The following PATJ variants were observed in gnomAD, a reference collection of about 807,000 sequenced individuals.
PATJ encodes inaD-like protein.
In PATJ, 190 loss-of-function variants were observed where a neutral mutation model predicts 224.9. That is an observed-to-expected ratio of 0.84 (90% CI 0.75 to 0.95). The LOEUF (loss-of-function observed/expected upper bound fraction) is 0.95, where lower values mean the gene tolerates loss of function less well. Among genes scored for constraint, PATJ ranks in the 40% least tolerant of loss-of-function variants. The pLI is 0.00. For synonymous variants in PATJ, 769 were observed against 820.3 expected (o/e 0.94, Z 1.07); for missense variants, 2,121 against 2,270.3 (o/e 0.93, Z 1.34).
chr1:61,832,663 A>G (rs1246922737), intron 16 of PATJ, among the ~76,000 whole-genome samples: 1 of 152,298 alleles, frequency 6.6e-6, no homozygotes, highest in East Asian at 1.9e-4. Context: ...TTGAGCTGAT[A>G]ACCATGGTAA....
Position 61,937,650 on chromosome 1 carries a change from C to CTTTT in PATJ, c.3670+9835_3670+9838dup, listed in dbSNP as rs370155855. Among the ~76,000 whole-genome samples the CTTTT allele has an allele frequency of 2.0e-4, 26 of 133,014 alleles. 1 individual carries two copies. Among genetic ancestry groups the CTTTT allele is most frequent in the East Asian group, 4.4e-4 (2 of 4,520 alleles). 87.3% of individuals were successfully genotyped at this position (133,014 alleles called of 152,430 possible). On this transcript the variant is annotated intron_variant, in intron 27 of 43. Transcript: ENST00000642238. ...GATAATGACGAGGGACTTTCTTCTT[C>CTTTT]TTTTTTTTTTTTTTTTTGAGACGGA...
intron 20 of PATJ, among the ~76,000 whole-genome samples, chr1:61,869,146 G>T (rs1005653730): frequency 1.6e-5 from 2 of 128,294 alleles, no homozygotes; most frequent in South Asian, 2.6e-4. Context: ...TCGCTCTGTC[G>T]CCCAGGCTGG....
At chr1:62,025,964 G>A (rs920658745) in intron 29 of PATJ, among the ~76,000 whole-genome samples, 7 of 152,090 alleles carry the variant, frequency 4.6e-5, no homozygotes, top group African/African-American at 1.7e-4. Context: ...CCTTTTCCTC[G>A]GCACAACTGG....
At chr1:61,896,703 G>C (rs950107485) in intron 22 of PATJ, among the ~76,000 whole-genome samples, 3 of 152,128 alleles carry the variant, frequency 2.0e-5, no homozygotes, top group Admixed American at 2.0e-4. Flanking sequence ...TCAGGTGAGG[G>C]ACCTGATGAG....
chr1:62,057,693 A>G (rs1030680446), intron 31 of PATJ, among the ~76,000 whole-genome samples: 2 of 152,250 alleles, frequency 1.3e-5, no homozygotes, highest in Non-Finnish European at 2.9e-5. Context: ...CAGTAAAATA[A>G]TTGACGTTTC....
At position 61,878,807 on chromosome 1, in the gene PATJ, G is replaced by A. The variant is rs184767776; in HGVS notation, c.2959+3441G>A. Reference sequence around the variant, plus strand: ...TATGGATTTTTTTTTTTTTTGAGACGGAGTCTCACTGTGTCACCCATGCTG... The same window carrying A: ...TATGGATTTTTTTTTTTTTTGAGACAGAGTCTCACTGTGTCACCCATGCTG... On this transcript the variant is annotated intron_variant, in intron 21 of 43. Coordinates refer to ENST00000642238, the MANE Select transcript of PATJ (RefSeq NM_001350145.3). 1.9e-4 allele frequency among the ~76,000 whole-genome samples: 28 copies of A among 148,622 alleles called. No homozygotes were observed. In the East Asian group the frequency reaches 3.9e-3, roughly 21 times the overall value.
chr1:61,869,111 T>C (rs1302648696), intron 20 of PATJ, among the ~76,000 whole-genome samples: 3 of 148,830 alleles, frequency 2.0e-5, no homozygotes, highest in Non-Finnish European at 4.5e-5. Context: ...TTTTTTTTTT[T>C]TTTTTTCTTT....
At chr1:61,820,371 T>G (rs569479985) in intron 14 of PATJ, among the ~76,000 whole-genome samples, 158 of 147,960 alleles carry the variant, frequency 1.1e-3, no homozygotes, top group Non-Finnish European at 1.9e-3. Flanking sequence ...AGACGGAGTT[T>G]CAGTCTTGTT....
intron 41 of PATJ, among the ~76,000 whole-genome samples, chr1:62,130,413 C>G (rs112101393): frequency 4.1e-4 from 63 of 152,088 alleles, no homozygotes; most frequent in Admixed American, 1.2e-3. Flanking sequence ...GCCTATAATC[C>G]CAACACTCTG....
chr1:62,067,123 C>CTTTTTTTTTTTTTTTTTTTT (rs11381578), intron 31 of PATJ, among the ~76,000 whole-genome samples: 12 of 116,474 alleles, frequency 1.0e-4, no homozygotes, highest in African/African-American at 1.3e-4. Flanking sequence ...CCTATTCTTT[C>CTTTTTTTTTTTTTTTTTTTT]TTTTTTTTTT....
At chr1:61,915,916 C>A (rs1016103795) in intron 26 of PATJ, among the ~76,000 whole-genome samples, 1 of 151,924 alleles carries the variant, frequency 6.6e-6, no homozygotes, top group African/African-American at 2.4e-5. Context: ...AGGATGGTCT[C>A]GATCTCTTGA....
At chr1:62,105,071 A>G (rs1270216533) in intron 33 of PATJ, among the ~76,000 whole-genome samples, 1 of 152,168 alleles carries the variant, frequency 6.6e-6, no homozygotes, top group African/African-American at 2.4e-5. Flanking sequence ...ATACAGAAAG[A>G]CTTACGGACT....
chr1:62,053,251 C>G (rs1653964946), intron 31 of PATJ, among the ~76,000 whole-genome samples: 1 of 152,198 alleles, frequency 6.6e-6, no homozygotes, highest in Non-Finnish European at 1.5e-5. Context: ...TGACTAGTGT[C>G]TGTCTTTTTC....
chr1:62,060,534 A>AT (rs942235479), intron 31 of PATJ, among the ~76,000 whole-genome samples: 2 of 151,588 alleles, frequency 1.3e-5, no homozygotes, highest in African/African-American at 2.4e-5. Flanking sequence ...TACTTGGCTA[A>AT]TTTTTTTGTA....
chr1:61,861,443 G>T, intron 18 of PATJ, 108 bp from the exon 19 acceptor site: 1 of 574,716 alleles, frequency 1.7e-6, no homozygotes, highest in Non-Finnish European at 3.1e-6. Context: ...CATCATCTAG[G>T]TTTTAAGCCC....
intron 11 of PATJ, 110 bp downstream of exon 11, chr1:61,797,538 G>A: frequency 3.5e-6 from 3 of 852,706 alleles, no homozygotes; most frequent in Non-Finnish European, 3.8e-6. Flanking sequence ...CCCACCTCGT[G>A]TAATACACTG....
intron 29 of PATJ, among the ~76,000 whole-genome samples, chr1:62,034,850 G>A (rs1650063870): frequency 6.6e-6 from 1 of 152,106 alleles, no homozygotes. Flanking sequence ...GGAATAACTT[G>A]GCCAATTTGA....
At chr1:62,141,874 G>A (rs919683489) in intron 41 of PATJ, among the ~76,000 whole-genome samples, 1 of 151,960 alleles carries the variant, frequency 6.6e-6, no homozygotes, top group African/African-American at 2.4e-5. Context: ...GGAGGCGGAG[G>A]CAAGAGAATT....
intron 22 of PATJ, among the ~76,000 whole-genome samples, chr1:61,890,113 A>G (rs1669393333): frequency 6.6e-6 from 1 of 152,196 alleles, no homozygotes; most frequent in South Asian, 2.1e-4. Flanking sequence ...TTATACCTGT[A>G]TGACCCTGAA....
Sources: allele counts gnomAD v4.1 joint callset (sites outside exome capture counted in the v4.1 genomes callset), GRCh38; gene constraint gnomAD v4.1.1; transcripts MANE v1.5; gene names NCBI Gene and HGNC (gene_info 2026-07-23, HGNC 2026-07-21).